RIN2: variants seen among roughly 807,000 people sequenced by gnomAD.
RIN2 encodes the protein Ras and Rab interactor 2.
In RIN2, 36 loss-of-function variants were observed where a neutral mutation model predicts 78.0. That is an observed-to-expected ratio of 0.46 (90% confidence interval 0.35 to 0.61). The LOEUF is 0.61. Among genes scored for constraint, RIN2 ranks in the 20% least tolerant of loss-of-function variants. RIN2 has a pLI of 0.00. For synonymous variants in RIN2, 466 were observed against 466.8 expected (o/e 1.00, Z 0.02); for missense variants, 1,087 against 1,159.7 (o/e 0.94, Z 0.91).
At chr20:19,780,031 A>G (rs2034444769) in intron 1 of RIN2, among the ~76,000 whole-genome samples, 1 of 152,220 alleles carries the variant, frequency 6.6e-6, no homozygotes, top group Admixed American at 6.5e-5. Flanking sequence ...TATAAAGACA[A>G]TATCTACTCA....
chr20:19,764,857 C>G (rs1291559237), intron 1 of RIN2, among the ~76,000 whole-genome samples: 1 of 150,268 alleles, frequency 6.7e-6, no homozygotes, highest in East Asian at 2.0e-4. Flanking sequence ...ACCTGCCTTT[C>G]CCCAGCTCCA....
intron 2 of RIN2, among the ~76,000 whole-genome samples, chr20:19,817,267 G>A (rs572682844): frequency 1.2e-4 from 18 of 152,306 alleles, no homozygotes; most frequent in Admixed American, 9.1e-4. Flanking sequence ...TCCGGAGCCC[G>A]GAAATCCTGA....
intron 9 of RIN2, among the ~76,000 whole-genome samples, chr20:19,986,612 C>T (rs574749511): frequency 6.6e-6 from 1 of 152,238 alleles, no homozygotes; most frequent in African/African-American, 2.4e-5. Flanking sequence ...GGAGCCTGTC[C>T]AACTTGCTAG....
intron 2 of RIN2, among the ~76,000 whole-genome samples, chr20:19,805,111 C>T (rs978150308): frequency 2.0e-5 from 3 of 152,212 alleles, no homozygotes; most frequent in African/African-American, 7.2e-5. Flanking sequence ...GCGTCTGGCA[C>T]ATTCAAGTGT....
At chr20:19,810,878 GTTT>G (rs71198025) in intron 2 of RIN2, among the ~76,000 whole-genome samples, 79 of 135,424 alleles carry the variant, frequency 5.8e-4, no homozygotes, top group African/African-American at 1.8e-3. Context: ...GTGTGTGTGT[GTTT>G]TTTTTTTTTT....
intron 4 of RIN2, among the ~76,000 whole-genome samples, chr20:19,941,940 C>T (rs2040887868): frequency 6.6e-6 from 1 of 151,754 alleles, no homozygotes; most frequent in South Asian, 2.1e-4. Flanking sequence ...TGGTGAAACC[C>T]CCTCTCTAGT....
At chr20:19,948,935 T>C (rs979613700) in intron 4 of RIN2, among the ~76,000 whole-genome samples, 5 of 152,080 alleles carry the variant, frequency 3.3e-5, no homozygotes, top group African/African-American at 1.2e-4. Context: ...CCGAAAATGC[T>C]GGGATTATAG....
chr20:19,862,286 C>T lies in RIN2; in HGVS notation c.-36-27280C>T, dbSNP rs2037366654. ...CCTTGGCTATAAATTCCCACTTGTC[C>T]ATACTGCATTCAGAGTTGAACTTGG... On this transcript the variant is annotated intron_variant, in intron 2 of 12. Coordinates refer to ENST00000255006, the MANE Select transcript of RIN2 (RefSeq NM_018993.4). 6.6e-5 allele frequency among the ~76,000 whole-genome samples: 10 copies of T among 152,262 alleles called. No homozygotes were observed. In the South Asian group the frequency reaches 2.1e-3, roughly 32 times the overall value.
intron 1 of RIN2, among the ~76,000 whole-genome samples, chr20:19,770,525 C>T (rs1052403562): frequency 2.6e-5 from 4 of 152,246 alleles, no homozygotes; most frequent in African/African-American, 2.4e-5. Context: ...CACAATTCCC[C>T]TGCCCTCCAT....
At chr20:19,846,257 G>A (rs564945414) in intron 2 of RIN2, among the ~76,000 whole-genome samples, 1 of 152,174 alleles carries the variant, frequency 6.6e-6, no homozygotes, top group African/African-American at 2.4e-5. Context: ...CTTTCTAATT[G>A]TGTGAAGAAA....
At chr20:19,904,892 A>G (rs2039151337) in intron 3 of RIN2, among the ~76,000 whole-genome samples, 1 of 152,206 alleles carries the variant, frequency 6.6e-6, no homozygotes, top group African/African-American at 2.4e-5. Flanking sequence ...CATCAGCACA[A>G]CTTGAAATCT....
At position 19,992,039 on chromosome 20, in the gene RIN2, CA is replaced by C; in HGVS notation, c.2069-128del. ...GGCTACATAGGATTCCAGAAACACT[CA>C]CCTCTGTTTATAAATAGCACAGTTC... On this transcript the variant is annotated intron_variant, in intron 10 of 12. Coordinates refer to ENST00000255006, the MANE Select transcript of RIN2 (RefSeq NM_018993.4). 3 of 1,051,266 alleles carry C rather than the reference CA, an allele frequency of 2.9e-6. No individual in the cohort carries two copies. In the Middle Eastern group the frequency reaches 7.3e-4, roughly 255 times the overall value. 65.1% of individuals were successfully genotyped at this position (1,051,266 alleles called of 1,614,324 possible).
chr20:19,885,156 C>T (rs969684218), intron 2 of RIN2, among the ~76,000 whole-genome samples: 34 of 152,052 alleles, frequency 2.2e-4, no homozygotes, highest in African/African-American at 7.3e-4. Context: ...TAGTGGAATC[C>T]AATATAATTG....
Position 19,833,283 on chromosome 20 carries a change from T to TTATATATATATATATATATATA in RIN2, c.-37+33549_-37+33550insATATATATATATATATATATAT, listed in dbSNP as rs1031106258. ...CTATATATAGATAGATAGATATAGG[T>TTATATATATATATATATATATA]TATATATATATATTTTAACTTTAAG... On this transcript the variant is annotated intron_variant, in intron 2 of 12. Transcript: ENST00000255006. 2.2e-3 allele frequency among the ~76,000 whole-genome samples: 325 copies of TTATATATATATATATATATATA among 150,986 alleles called. 2 individuals carry two copies. The highest frequency in any genetic ancestry group is 6.7e-3 in the African/African-American group (273 of 40,728).
chr20:19,993,462 C>G (rs569369789), intron 11 of RIN2, among the ~76,000 whole-genome samples: 1 of 152,132 alleles, frequency 6.6e-6, no homozygotes, highest in East Asian at 1.9e-4. Context: ...CTTAACTTTT[C>G]CTGTCGGAGG....
chr20:19,843,929 A>T (rs1445681074), intron 2 of RIN2, among the ~76,000 whole-genome samples: 1 of 152,264 alleles, frequency 6.6e-6, no homozygotes, highest in Non-Finnish European at 1.5e-5. Context: ...CTTCTATAAA[A>T]CATGCAATTC....
intron 1 of RIN2, among the ~76,000 whole-genome samples, chr20:19,763,951 T>C (rs2033758537): frequency 6.6e-6 from 1 of 152,196 alleles, no homozygotes; most frequent in African/African-American, 2.4e-5. Context: ...GATGATACCA[T>C]CTGGCCAAGT....
chr20:19,994,226 G>A (rs78229816), intron 11 of RIN2, among the ~76,000 whole-genome samples: 2,896 of 152,326 alleles, frequency 0.019, 97 homozygotes, highest in African/African-American at 0.066. Flanking sequence ...TTGGGAAGTA[G>A]GCGGCCCAGT....
Position 19,975,550 on chromosome 20 carries a change from A to T in RIN2, c.1525A>T (p.Thr509Ser), listed in dbSNP as rs1299994581. The change falls in exon 9 of 13, where the codon ACC (threonine) becomes TCC (serine). Residue 509 changes from threonine to serine, a missense_variant. Physicochemically the swap from Thr to Ser is moderately conservative, Grantham distance 58 (BLOSUM62 1). This residue lies in a region of RIN2 where 706 missense variants were observed against 667.5 expected (regional missense o/e 1.06). Transcript: ENST00000255006. The surrounding 1 kb of genome is among the most constrained non-coding windows in gnomAD (Gnocchi z 4.9). Reference protein sequence around the residue: ...KVSGVFSSFMTPEKRMVRRIA... With the variant: ...KVSGVFSSFMSPEKRMVRRIA... ...GAGCGGGGTGTTCAGCTCCTTCATG[A>T]CCCCGGAGAAGCGGATGGTCCGCAG... The T allele has an allele frequency of 1.2e-6, 2 of 1,613,820 alleles. No homozygotes were observed. The highest frequency in any genetic ancestry group is 2.7e-5 in the African/African-American group (2 of 74,896).
Sources: allele counts gnomAD v4.1 joint callset (sites outside exome capture counted in the v4.1 genomes callset), GRCh38; gene constraint gnomAD v4.1.1; regional missense constraint gnomAD v4.1.1; non-coding constraint Gnocchi (gnomAD v3.1); transcripts MANE v1.5; gene names NCBI Gene and HGNC (gene_info 2026-07-23, HGNC 2026-07-21).